Variants in CSMD1 observed in about 807,000 individuals in gnomAD.
The protein encoded by CSMD1 is CUB and sushi domain-containing protein 1.
A neutral mutation model predicts 417.5 loss-of-function variants in CSMD1; 213 were observed. The ratio of observed to expected loss-of-function variants is 0.51; its 90% CI spans 0.46 to 0.57. The LOEUF (loss-of-function observed/expected upper bound fraction) is 0.57, where lower values mean the gene tolerates loss of function less well. Ranked by LOEUF, CSMD1 falls within the 20% of genes least tolerant of loss-of-function variation. The pLI is 0.00. For synonymous variants in CSMD1, 2,862 were observed against 1,736.8 expected (o/e 1.65, Z -16.11); for missense variants, 6,923 against 4,529.7 (o/e 1.53, Z -15.17).
intron 5 of CSMD1, among the ~76,000 whole-genome samples, chr8:3,779,003 T>A (rs1799036247): frequency 1.3e-5 from 2 of 152,170 alleles, no homozygotes; most frequent in East Asian, 1.9e-4. Flanking sequence ...TAGGCTCAGA[T>A]CAGCTCAGAG....
At chr8:4,245,525 T>C (rs992218045) in intron 3 of CSMD1, among the ~76,000 whole-genome samples, 18 of 152,132 alleles carry the variant, frequency 1.2e-4, no homozygotes, top group African/African-American at 4.1e-4. Flanking sequence ...CAATCCATGG[T>C]CTCTCCATGC....
chr8:4,003,548 G>A (rs1374369526), intron 4 of CSMD1, among the ~76,000 whole-genome samples: 1 of 152,006 alleles, frequency 6.6e-6, no homozygotes, highest in Non-Finnish European at 1.5e-5. Flanking sequence ...AACAAACACA[G>A]GTGAAGTTTC....
intron 3 of CSMD1, among the ~76,000 whole-genome samples, chr8:4,216,403 T>C (rs1238494063): frequency 6.6e-6 from 1 of 152,216 alleles, no homozygotes; most frequent in Non-Finnish European, 1.5e-5. Context: ...TACTATTGTG[T>C]GCATGGTAAA....
At chr8:3,401,416 G>C (rs1419718682) in intron 15 of CSMD1, among the ~76,000 whole-genome samples, 1 of 152,004 alleles carries the variant, frequency 6.6e-6, no homozygotes. Flanking sequence ...GTAATTTACA[G>C]TGTATGTTAG....
chr8:4,201,005 T>C (rs1467994618), intron 3 of CSMD1, among the ~76,000 whole-genome samples: 1 of 152,196 alleles, frequency 6.6e-6, no homozygotes. Context: ...GCCGTTCATA[T>C]CAGTGTGGAA....
chr8:4,063,236 T>C lies in CSMD1; in HGVS notation c.416-31137A>G, dbSNP rs920831473. ...GACTTTGTGTGCATATTTCAAAATA[T>C]CACATGTATCCCATAAATATGTACA... is the stretch of plus-strand genomic sequence containing the variant. On this transcript the variant is annotated intron_variant, in intron 3 of 69. Transcript: ENST00000635120. Among the ~76,000 whole-genome samples the C allele has an allele frequency of 2.0e-5, 3 of 151,992 alleles. No individual in the cohort carries two copies. The East Asian group carries it at 5.8e-4, about 29-fold the overall frequency.
rs2407192 is a variant in CSMD1, at chr8:3,961,285, C to G, written c.818+36618G>C. Among the ~76,000 whole-genome samples the G allele has an allele frequency of 9.9e-5, 15 of 151,838 alleles. 1 individual carries two copies. In the South Asian group the frequency reaches 3.1e-3, roughly 32 times the overall value. On this transcript the variant is annotated intron_variant, in intron 5 of 69. Coordinates refer to ENST00000635120, the MANE Select transcript of CSMD1 (RefSeq NM_033225.6). The stretch of plus-strand genomic sequence containing the variant: ...GTTATAAGCATAAAAGTTATATAAG[C>G]ATAAAAGTTATATGAGCATAAAAGT...
At chr8:2,960,162 T>A (rs1037688557) in intron 62 of CSMD1, among the ~76,000 whole-genome samples, 16 of 152,260 alleles carry the variant, frequency 1.1e-4, no homozygotes, top group African/African-American at 3.9e-4. Flanking sequence ...TATTTTCCAA[T>A]ATTCCTTGAC....
At chr8:3,549,790 G>A (rs571284161) in intron 10 of CSMD1, among the ~76,000 whole-genome samples, 3 of 152,214 alleles carry the variant, frequency 2.0e-5, no homozygotes, top group South Asian at 2.1e-4. Context: ...CTCCACAACT[G>A]TAAATAATAC....
At chr8:4,735,036 T>C (rs933124038) in intron 1 of CSMD1, among the ~76,000 whole-genome samples, 5 of 152,230 alleles carry the variant, frequency 3.3e-5, no homozygotes, top group African/African-American at 7.2e-5. Context: ...TCAAAATTGA[T>C]GGAGAACAAG....
intron 4 of CSMD1, among the ~76,000 whole-genome samples, chr8:4,029,366 G>C (rs1467866915): frequency 6.6e-6 from 1 of 152,160 alleles, no homozygotes; most frequent in Non-Finnish European, 1.5e-5. Flanking sequence ...TGGACATACA[G>C]TTCTATATGG....
At chr8:3,244,340 C>G (rs367771990) in intron 26 of CSMD1, among the ~76,000 whole-genome samples, 3 of 152,130 alleles carry the variant, frequency 2.0e-5, no homozygotes, top group African/African-American at 7.2e-5. Flanking sequence ...GCAGTCACTC[C>G]GGAGGTCCTC....
chr8:4,920,759 G>A (rs767858702), intron 1 of CSMD1, among the ~76,000 whole-genome samples: 1 of 151,528 alleles, frequency 6.6e-6, no homozygotes, highest in Non-Finnish European at 1.5e-5. Flanking sequence ...GGAGGCAGAG[G>A]TTGCACCAAG....
intron 18 of CSMD1, among the ~76,000 whole-genome samples, chr8:3,372,537 G>C (rs565120192): frequency 1.3e-5 from 2 of 152,198 alleles, no homozygotes; most frequent in African/African-American, 4.8e-5. Context: ...GAACCTGCCT[G>C]TGTCCTGAAG....
At chr8:4,089,864 C>A (rs1800625568) in intron 3 of CSMD1, among the ~76,000 whole-genome samples, 1 of 152,050 alleles carries the variant, frequency 6.6e-6, no homozygotes, top group Admixed American at 6.6e-5. Flanking sequence ...GGGATCTCAC[C>A]ACAGAGAAGT....
At chr8:3,594,230 C>G (rs978355768) in intron 8 of CSMD1, among the ~76,000 whole-genome samples, 2 of 152,102 alleles carry the variant, frequency 1.3e-5, no homozygotes, top group Admixed American at 1.3e-4. Flanking sequence ...AGCCCTGGAC[C>G]GTATTAATGA....
intron 1 of CSMD1, among the ~76,000 whole-genome samples, chr8:4,942,537 A>C (rs1374035454): frequency 6.6e-6 from 1 of 152,248 alleles, no homozygotes; most frequent in Non-Finnish European, 1.5e-5. Context: ...CTATTAAATA[A>C]TGTACAGATT....
chr8:3,153,884 T>C (rs989957633), intron 39 of CSMD1, among the ~76,000 whole-genome samples: 1 of 152,212 alleles, frequency 6.6e-6, no homozygotes, highest in Non-Finnish European at 1.5e-5. Flanking sequence ...CCTTTGTTTT[T>C]GATGTTGCTT....
At chr8:4,324,966 A>G (rs1167540476) in intron 3 of CSMD1, among the ~76,000 whole-genome samples, 1 of 152,138 alleles carries the variant, frequency 6.6e-6, no homozygotes, top group East Asian at 1.9e-4. Context: ...AAAGGATATC[A>G]TTATATCACT....
Sources: allele counts gnomAD v4.1 joint callset (sites outside exome capture counted in the v4.1 genomes callset), GRCh38; gene constraint gnomAD v4.1.1; transcripts MANE v1.5; gene names NCBI Gene and HGNC (gene_info 2026-07-23, HGNC 2026-07-21).